Variants in DIP2C observed in about 807,000 individuals in gnomAD.
DIP2C encodes DIP2 acetate--CoA ligase C (putative), also known as disco-interacting protein 2 homolog C.
In DIP2C, 33 loss-of-function variants were observed where a neutral mutation model predicts 192.4. That is an observed-to-expected ratio of 0.17 (90% CI 0.13 to 0.23). DIP2C has a LOEUF of 0.23. Among genes scored for constraint, DIP2C ranks in the 10% least tolerant of loss-of-function variants. DIP2C has a pLI of 1.00. For synonymous variants in DIP2C, 979 were observed against 864.1 expected (o/e 1.13, Z -2.33); for missense variants, 1,537 against 2,110.1 (o/e 0.73, Z 5.32).
intron 32 of DIP2C, among the ~76,000 whole-genome samples, chr10:291,578 G>C (rs1037541381): frequency 6.6e-6 from 1 of 152,194 alleles, no homozygotes; most frequent in African/African-American, 2.4e-5. Context: ...CATGTGCAAA[G>C]AACTCATAGA....
chr10:510,672 G>A (rs1845950436), intron 1 of DIP2C, among the ~76,000 whole-genome samples: 1 of 152,236 alleles, frequency 6.6e-6, no homozygotes, highest in African/African-American at 2.4e-5. Context: ...CGGAAATCTA[G>A]AAGCAAAAGA....
chr10:558,317 T>G (rs1244865056), intron 1 of DIP2C, among the ~76,000 whole-genome samples: 1 of 152,230 alleles, frequency 6.6e-6, no homozygotes, highest in Non-Finnish European at 1.5e-5. Context: ...TCCCGCTTCC[T>G]GACCCTGAAC....
chr10:328,246 T>C (rs1230972503), intron 30 of DIP2C, among the ~76,000 whole-genome samples: 2 of 152,180 alleles, frequency 1.3e-5, no homozygotes, highest in Non-Finnish European at 2.9e-5. Context: ...ACAAATTACA[T>C]ATTCACACGC....
intron 29 of DIP2C, among the ~76,000 whole-genome samples, chr10:331,260 A>G (rs1194524213): frequency 1.3e-5 from 2 of 152,328 alleles, no homozygotes; most frequent in East Asian, 3.9e-4. Flanking sequence ...AATCCAACTA[A>G]AGAAATGTAA....
intron 3 of DIP2C, among the ~76,000 whole-genome samples, chr10:465,557 G>A (rs1564745796): frequency 6.6e-6 from 1 of 152,066 alleles, no homozygotes; most frequent in Non-Finnish European, 1.5e-5. Context: ...GCAGGAGAAG[G>A]AAACAAAGGG....
intron 1 of DIP2C, among the ~76,000 whole-genome samples, chr10:555,318 C>A (rs1009569812): frequency 6.6e-6 from 1 of 152,060 alleles, no homozygotes. Context: ...TTTTCCCACA[C>A]GTTTGCTTCC....
intron 1 of DIP2C, chr10:667,417 C>T (rs1564325269): frequency 6.6e-6 from 1 of 152,268 alleles, no homozygotes; most frequent in Non-Finnish European, 1.5e-5. Flanking sequence ...GGCTGCACGG[C>T]AGGACTTGCT....
chr10:378,689 GCATACACA>G (rs1564636066), intron 17 of DIP2C, among the ~76,000 whole-genome samples: 1 of 150,406 alleles, frequency 6.6e-6, no homozygotes, highest in African/African-American at 2.5e-5. Context: ...GAACAGACAT[GCATACACA>G]CATGAACAGA....
At chr10:401,938 C>G (rs1213936027) in intron 9 of DIP2C, among the ~76,000 whole-genome samples, 3 of 149,426 alleles carry the variant, frequency 2.0e-5, no homozygotes, top group African/African-American at 7.5e-5. Context: ...CGTTACTCTT[C>G]CTTATGGACA....
At chr10:298,760 G>C (rs1955879248) in intron 32 of DIP2C, among the ~76,000 whole-genome samples, 1 of 152,202 alleles carries the variant, frequency 6.6e-6, no homozygotes, top group South Asian at 2.1e-4. Flanking sequence ...GACTCCTGAG[G>C]ATCTTCTGGG....
intron 2 of DIP2C, among the ~76,000 whole-genome samples, chr10:483,843 G>A (rs748296051): frequency 6.6e-6 from 1 of 151,902 alleles, no homozygotes; most frequent in South Asian, 2.1e-4. Context: ...TTGAGACAGG[G>A]TCTCGCTCTG....
At position 382,680 on chromosome 10, in the gene DIP2C, C is replaced by G. The variant is rs1589665455; in HGVS notation, c.1958G>C (p.Ser653Thr). The change falls in exon 17 of 37, where the codon AGC (serine) becomes ACC (threonine). Residue 653 changes from serine to threonine, a missense_variant. Transcript: ENST00000280886. ...GGCCACAGTGAGGGCCTCTGGCGAG[C>G]TGGCACAAGGACAGATGACCTCCTG... Reference protein sequence around the residue: ...LRQEVICPCASSPEALTVAIR... With the variant: ...LRQEVICPCATSPEALTVAIR... The G allele has an allele frequency of 1.2e-6, 2 of 1,613,918 alleles. No individual in the cohort carries two copies. Among genetic ancestry groups the G allele is most frequent in the Admixed American group, 1.7e-5 (1 of 59,994 alleles).
intron 5 of DIP2C, among the ~76,000 whole-genome samples, chr10:419,439 C>T (rs781379839): frequency 6.6e-6 from 1 of 152,182 alleles, no homozygotes; most frequent in Non-Finnish European, 1.5e-5. Context: ...AATTTCCTAA[C>T]GGGAGCCATG....
At chr10:404,769 C>T (rs1589717443) in intron 9 of DIP2C, among the ~76,000 whole-genome samples, 2 of 152,266 alleles carry the variant, frequency 1.3e-5, no homozygotes, top group Admixed American at 1.3e-4. Context: ...CTATAGTCCA[C>T]TACAATTTGC....
chr10:538,129 C>T (rs529958260), intron 1 of DIP2C, among the ~76,000 whole-genome samples: 5 of 152,244 alleles, frequency 3.3e-5, no homozygotes, highest in African/African-American at 4.8e-5. Flanking sequence ...TGTTTCTAGA[C>T]TCTGTATCCT....
chr10:687,433 A>T (rs1301382606), intron 1 of DIP2C, among the ~76,000 whole-genome samples: 1 of 152,178 alleles, frequency 6.6e-6, no homozygotes. Flanking sequence ...GAGGGTGCAG[A>T]GAGGCTGAAT....
intron 1 of DIP2C, among the ~76,000 whole-genome samples, chr10:640,323 G>A (rs993263166): frequency 6.6e-6 from 1 of 152,240 alleles, no homozygotes; most frequent in African/African-American, 2.4e-5. Context: ...ACGGCAGATG[G>A]CCAAGTGTTA....
At position 593,590 on chromosome 10, in the gene DIP2C, G is replaced by A. The variant is rs1477510825; in HGVS notation, c.85+95904C>T. Among the ~76,000 whole-genome samples the A allele has an allele frequency of 3.4e-5, 5 of 149,042 alleles. No homozygotes were observed. The East Asian group carries it at 6.0e-4, about 18-fold the overall frequency. On this transcript the variant is annotated intron_variant, in intron 1 of 36. Coordinates refer to ENST00000280886, the MANE Select transcript of DIP2C (RefSeq NM_014974.3). ...TCCAGCAGAGGCAGGGGCCCTCCTC[G>A]GTACTTCCCCCCAAAAGCTGGGCCA...
intron 9 of DIP2C, 29 bp from the exon 10 acceptor site, chr10:399,248 T>A: frequency 6.3e-7 from 1 of 1,593,556 alleles, no homozygotes; most frequent in Non-Finnish European, 8.6e-7. Flanking sequence ...CGGGTCAGCA[T>A]TAACGTGGGG....
Sources: allele counts gnomAD v4.1 joint callset (sites outside exome capture counted in the v4.1 genomes callset), GRCh38; gene constraint gnomAD v4.1.1; transcripts MANE v1.5; gene names NCBI Gene and HGNC (gene_info 2026-07-23, HGNC 2026-07-21).